OR4N2: variants seen among roughly 807,000 people sequenced by gnomAD.
OR4N2 encodes the protein olfactory receptor family 4 subfamily N member 2, also known as olfactory receptor 4N2.
For missense variants in OR4N2, 307 were observed against 377.6 expected (o/e 0.81, Z 1.55); for synonymous variants, 141 against 140.4 (o/e 1.00, Z -0.03).
intron 1 of OR4N2, chr14:19,822,496 T>C (rs1209522741): frequency 6.6e-6 from 1 of 152,262 alleles, no homozygotes; most frequent in Non-Finnish European, 1.5e-5. Context: ...CATTCATTCT[T>C]AGAATTTTGA....
At chr14:19,812,251 A>C (rs1223520072) in intron 1 of OR4N2, among the ~76,000 whole-genome samples, 2 of 151,998 alleles carry the variant, frequency 1.3e-5, no homozygotes, top group Non-Finnish European at 2.9e-5. Flanking sequence ...CCATAGAAGT[A>C]AAAAAAGAAA....
At chr14:19,807,928 A>G (rs59630544) in intron 1 of OR4N2, among the ~76,000 whole-genome samples, 9,838 of 150,916 alleles carry the variant, frequency 0.065, 277 homozygotes, top group African/African-American at 0.15. Flanking sequence ...GGCTTATTCA[A>G]TGTATGCAAA....
Position 19,829,643 on chromosome 14 carries a change from T to G in OR4N2, c.*1271T>G, listed in dbSNP as rs533940147. ...TGGACCTAACAAATCGCCCCTAGTA[T>G]AACAGAAGCCTCTCCTACTGCATCC... On this transcript the variant is annotated 3_prime_UTR_variant, in exon 2 of 2. Transcript: ENST00000557677. The G allele has an allele frequency of 6.6e-6, 1 of 152,398 alleles. No individual in the cohort carries two copies. Among genetic ancestry groups the G allele is most frequent in the South Asian group, 2.1e-4 (1 of 4,832 alleles). 9.4% of individuals were successfully genotyped at this position (152,398 alleles called of 1,614,324 possible).
chr14:19,809,739 A>G (rs1467313896), intron 1 of OR4N2, among the ~76,000 whole-genome samples: 6 of 152,338 alleles, frequency 3.9e-5, no homozygotes, highest in Admixed American at 1.3e-4. Flanking sequence ...GGATAAAAAC[A>G]AGCAATAGGG....
At chr14:19,813,010 A>G (rs749579596) in intron 1 of OR4N2, among the ~76,000 whole-genome samples, 6 of 152,252 alleles carry the variant, frequency 3.9e-5, no homozygotes, top group Non-Finnish European at 7.3e-5. Context: ...ATCCAAGGTG[A>G]TAAAACTTTC....
At chr14:19,822,811 G>T (rs1293840803) in intron 1 of OR4N2, among the ~76,000 whole-genome samples, 1 of 152,192 alleles carries the variant, frequency 6.6e-6, no homozygotes, top group South Asian at 2.1e-4. Context: ...ACCCCCATCA[G>T]ACCCAAAGAG....
At chr14:19,812,187 T>TC (rs1199855929) in intron 1 of OR4N2, among the ~76,000 whole-genome samples, 3 of 152,102 alleles carry the variant, frequency 2.0e-5, no homozygotes, top group Non-Finnish European at 4.4e-5. Context: ...TTATTCTTCT[T>TC]CCACTGATTT....
chr14:19,821,168 C>T (rs1401079063), intron 1 of OR4N2, among the ~76,000 whole-genome samples: 6 of 152,262 alleles, frequency 3.9e-5, no homozygotes, highest in African/African-American at 1.4e-4. Flanking sequence ...TCACGGCTTC[C>T]CTTGGCTGGG....
chr14:19,828,131 C>G lies in OR4N2; in HGVS notation c.683C>G (p.Ser228Cys). The G allele has an allele frequency of 6.2e-7, 1 of 1,614,242 alleles. No homozygotes were observed. Among genetic ancestry groups the G allele is most frequent in the South Asian group, 1.1e-5 (1 of 91,090 alleles). ...YAVILCRIRG[S>C]SSEAKNKAMS... ...GTCATTCTTTGTCGCATACGAGGGT[C>G]TTCTTCTGAGGCAAAAAACAAGGCC... Residue 228 changes from serine (S) to cysteine (C), a missense_variant, in exon 2 of 2, where the codon TCT (serine) becomes TGT (cysteine). Physicochemically the swap from Ser to Cys is moderately radical, Grantham distance 112 (BLOSUM62 -1). Transcript: ENST00000557677.
At chr14:19,825,189 T>A (rs1879660853) in intron 1 of OR4N2, among the ~76,000 whole-genome samples, 1 of 152,262 alleles carries the variant, frequency 6.6e-6, no homozygotes, top group Non-Finnish European at 1.5e-5. Flanking sequence ...TTTGCATATG[T>A]ATATATGATG....
At chr14:19,813,760 C>T (rs1328532206) in intron 1 of OR4N2, among the ~76,000 whole-genome samples, 1 of 152,000 alleles carries the variant, frequency 6.6e-6, no homozygotes, top group Non-Finnish European at 1.5e-5. Context: ...TGTCTAATTA[C>T]TTCTGAATTC....
intron 1 of OR4N2, among the ~76,000 whole-genome samples, chr14:19,818,552 C>T (rs1594398557): frequency 6.6e-6 from 1 of 152,166 alleles, no homozygotes; most frequent in Non-Finnish European, 1.5e-5. Flanking sequence ...TTCCTCCATC[C>T]CTTCATTTTG....
At chr14:19,813,340 C>A (rs1195620481) in intron 1 of OR4N2, among the ~76,000 whole-genome samples, 2 of 152,216 alleles carry the variant, frequency 1.3e-5, no homozygotes, top group African/African-American at 2.4e-5. Flanking sequence ...GAATGCCATG[C>A]GAGCTGTCAC....
intron 1 of OR4N2, among the ~76,000 whole-genome samples, chr14:19,813,990 CTT>C (rs1879365667): frequency 6.6e-6 from 1 of 151,586 alleles, no homozygotes; most frequent in Non-Finnish European, 1.5e-5. Context: ...TTTTTCTACT[CTT>C]ACACTTTGTT....
At chr14:19,805,092 C>A (rs1344781153) in intron 1 of OR4N2, among the ~76,000 whole-genome samples, 1 of 152,154 alleles carries the variant, frequency 6.6e-6, no homozygotes, top group African/African-American at 2.4e-5. Flanking sequence ...GATGTCATTG[C>A]ATGTGAGATG....
intron 1 of OR4N2, among the ~76,000 whole-genome samples, chr14:19,823,981 C>T (rs745563560): frequency 4.6e-5 from 7 of 152,192 alleles, no homozygotes; most frequent in African/African-American, 1.2e-4. Context: ...GTGTCTCCAC[C>T]CTGCAAATGT....
chr14:19,824,689 C>T (rs1210021464), intron 1 of OR4N2, among the ~76,000 whole-genome samples: 10 of 152,200 alleles, frequency 6.6e-5, no homozygotes, highest in South Asian at 2.1e-4. Context: ...AAGACAACAA[C>T]GATATGAACT....
chr14:19,827,344 A>T, intron 1 of OR4N2, 96 bp from the exon 2 acceptor site: 1 of 1,072,734 alleles, frequency 9.3e-7, no homozygotes, highest in Middle Eastern at 2.1e-4. Flanking sequence ...TTTTAGCTGA[A>T]GTACTGCATG....
At chr14:19,824,703 T>C (rs1466896195) in intron 1 of OR4N2, among the ~76,000 whole-genome samples, 38 of 152,390 alleles carry the variant, frequency 2.5e-4, no homozygotes, top group African/African-American at 8.4e-4. Flanking sequence ...ATGAACTTTA[T>C]GATGATGCAT....
Sources: allele counts gnomAD v4.1 joint callset (sites outside exome capture counted in the v4.1 genomes callset), GRCh38; gene constraint gnomAD v4.1.1; transcripts MANE v1.5; gene names NCBI Gene and HGNC (gene_info 2026-07-23, HGNC 2026-07-21).